ANKRD36: variants seen among roughly 807,000 people sequenced by gnomAD.
ANKRD36 encodes the protein ankyrin repeat domain-containing protein 36A.
ANKRD36 carries 179 observed loss-of-function variants against 278.1 expected under a neutral mutation model. The ratio of observed to expected loss-of-function variants is 0.64; its 90% CI spans 0.57 to 0.73. The LOEUF (loss-of-function observed/expected upper bound fraction) is 0.73. ANKRD36 is among the 30% of genes least tolerant of loss of function. ANKRD36 has a pLI of 0.00. For synonymous variants in ANKRD36, 320 were observed against 641.1 expected (o/e 0.50, Z 7.57); for missense variants, 1,159 against 1,956.7 (o/e 0.59, Z 7.69).
chr2:97,179,638 G>A (rs549545553), intron 22 of ANKRD36, 100 bp from the exon 23 acceptor site: 20 of 1,480,500 alleles, frequency 1.4e-5, no homozygotes, highest in East Asian at 9.6e-5. Context: ...ATACAGGCAG[G>A]AGTACAAAAC....
At chr2:97,170,115 A>G (rs1204190897) in intron 22 of ANKRD36, among the ~76,000 whole-genome samples, 4 of 152,020 alleles carry the variant, frequency 2.6e-5, no homozygotes, top group Non-Finnish European at 5.9e-5. Context: ...CTCAGAAGCA[A>G]CACCATACAT....
At position 97,139,865 on chromosome 2, in the gene ANKRD36, C is replaced by T. The variant is rs182638570; in HGVS notation, c.800-2775C>T. 8.7e-3 allele frequency among the ~76,000 whole-genome samples: 1,319 copies of T among 152,084 alleles called. 56 individuals are homozygous for T. The East Asian group carries it at 0.11, about 12-fold the overall frequency. On this transcript the variant is annotated intron_variant, in intron 6 of 75. Transcript: ENST00000420699. ...GTGTTACTTGTCCTCTTGGCTCCCC[C>T]TCATGAATGTTAAACTCTAATCTAC...
intron 6 of ANKRD36, among the ~76,000 whole-genome samples, chr2:97,129,388 T>C (rs2039475446): frequency 6.6e-6 from 1 of 152,052 alleles, no homozygotes; most frequent in Admixed American, 6.6e-5. Context: ...GTCAGATGAG[T>C]AGGTTGCAAA....
In ANKRD36 at chr2:97,149,364, A is replaced by C. The variant is rs758339378; in HGVS notation, c.1101+3A>C. On this transcript the variant is annotated splice_donor_region_variant and intron_variant, in intron 12 of 75. Transcript: ENST00000420699. Reference sequence around the variant, plus strand: ...ATGAGTTTTCTTTGGAATCTGAGGTAGAGTACTCTCTTGTGAAATTAATTT... The same window carrying C: ...ATGAGTTTTCTTTGGAATCTGAGGTCGAGTACTCTCTTGTGAAATTAATTT... 6.5e-7 allele frequency: 1 copy of C among 1,527,974 alleles called. No individual in the cohort carries two copies. The highest frequency in any genetic ancestry group is 1.2e-5 in the South Asian group (1 of 82,706). The allele number at this position is 1,527,974 out of a possible 1,614,324, so 94.7% of individuals were successfully genotyped here.
intron 54 of ANKRD36, among the ~76,000 whole-genome samples, chr2:97,208,690 T>C (rs1473791805): frequency 6.8e-6 from 1 of 146,452 alleles, no homozygotes; most frequent in African/African-American, 2.7e-5. Context: ...CAGAGATACA[T>C]GTTTTGTTGA....
At chr2:97,229,490 G>A (rs1335723190) in intron 67 of ANKRD36, among the ~76,000 whole-genome samples, 2 of 151,990 alleles carry the variant, frequency 1.3e-5, no homozygotes, top group African/African-American at 4.8e-5. Context: ...CATTTGCTTG[G>A]TAGATCTTCC....
chr2:97,133,207 T>C (rs1214834704), intron 6 of ANKRD36, among the ~76,000 whole-genome samples: 3 of 151,950 alleles, frequency 2.0e-5, no homozygotes, highest in African/African-American at 7.2e-5. Flanking sequence ...CCAACTTAAT[T>C]TTAGGTGTCT....
chr2:97,231,740 A>G (rs1025827097), intron 67 of ANKRD36, among the ~76,000 whole-genome samples: 4 of 152,102 alleles, frequency 2.6e-5, no homozygotes, highest in Non-Finnish European at 4.4e-5. Flanking sequence ...TCACGCTGGG[A>G]GCTGTAGACT....
intron 32 of ANKRD36, 113 bp from the exon 33 acceptor site, chr2:97,188,974 A>G (rs2058008423): frequency 1.8e-6 from 1 of 546,772 alleles, no homozygotes; most frequent in South Asian, 1.5e-5. Context: ...AAGACATCAG[A>G]GCCTACACTA....
At chr2:97,176,788 G>A (rs926375532) in intron 22 of ANKRD36, among the ~76,000 whole-genome samples, 2 of 151,700 alleles carry the variant, frequency 1.3e-5, no homozygotes, top group Middle Eastern at 3.4e-3. Flanking sequence ...GATTTTTAGC[G>A]CTTCCTTCAG....
At chr2:97,124,736 T>A in intron 5 of ANKRD36, 139 bp downstream of exon 5, 1 of 1,034,038 alleles carries the variant, frequency 9.7e-7, no homozygotes, top group Non-Finnish European at 1.4e-6. Context: ...AGTTTTTAAG[T>A]TTTCGAGAGT....
In ANKRD36 at chr2:97,200,334, T is replaced by G. The variant is rs747570096; in HGVS notation, c.2756T>G (p.Val919Gly). Residue 919 changes from valine (V) to glycine (G), a missense_variant and splice_region_variant, in exon 45 of 76, where the codon GTG (valine) becomes GGG (glycine). Coordinates refer to ENST00000420699, the MANE Select transcript of ANKRD36 (RefSeq NM_001354587.1). ...ATTATGTATCCCTTTTGCTTTTCAG[T>G]GTCTTCTCGGAAAAAACCATCCTTG... Reference protein sequence around the residue: ...GKKDGEKTKRVSSRKKPSLEA... With the variant: ...GKKDGEKTKRGSSRKKPSLEA... 6.2e-7 allele frequency: 1 copy of G among 1,607,252 alleles called. No homozygotes were observed. The highest frequency in any genetic ancestry group is 1.1e-5 in the South Asian group (1 of 90,798).
intron 18 of ANKRD36, chr2:97,163,480 G>A: frequency 3.2e-6 from 1 of 311,806 alleles, no homozygotes. Context: ...TCATGACTGT[G>A]GATGACATGA....
chr2:97,125,036 A>T (rs1401081299), intron 5 of ANKRD36, among the ~76,000 whole-genome samples: 2 of 151,842 alleles, frequency 1.3e-5, no homozygotes, highest in Non-Finnish European at 1.5e-5. Context: ...ATTTTTCAAG[A>T]ACCTAAGGGG....
At chr2:97,204,948 C>G (rs566598572) in intron 50 of ANKRD36, among the ~76,000 whole-genome samples, 1 of 151,346 alleles carries the variant, frequency 6.6e-6, no homozygotes, top group Non-Finnish European at 1.5e-5. Flanking sequence ...CAGAGATACA[C>G]GTGTTGTTGA....
rs1357776929 is a variant in ANKRD36 at position 97,200,618 on chromosome 2, CG to C, written c.2857+94del. Reference sequence around the variant, plus strand: ...CAGTCGGGGGCTGGTTGAAGCTGCACGTTCTGATTCACCAAGCTTGAGATTC... The same window carrying C: ...CAGTCGGGGGCTGGTTGAAGCTGCACTTCTGATTCACCAAGCTTGAGATTC... On this transcript the variant is annotated intron_variant, in intron 46 of 75. Coordinates refer to ENST00000420699, the MANE Select transcript of ANKRD36 (RefSeq NM_001354587.1). 7 of 1,508,588 alleles carry C rather than the reference CG, an allele frequency of 4.6e-6. No individual in the cohort carries two copies. The African/African-American group carries it at 8.4e-5, about 18-fold the overall frequency. 93.5% of individuals were successfully genotyped at this position (1,508,588 alleles called of 1,614,324 possible). A position where few individuals can be genotyped will look rare whatever the true frequency, so the allele number is the denominator to read the frequency against.
At chr2:97,212,503 G>A (rs1220849621) in intron 58 of ANKRD36, among the ~76,000 whole-genome samples, 1 of 151,890 alleles carries the variant, frequency 6.6e-6, no homozygotes, top group African/African-American at 2.4e-5. Flanking sequence ...AGTTCAAGGA[G>A]CTAAGTCTTG....
chr2:97,178,234 T>G (rs2054928900), intron 22 of ANKRD36, among the ~76,000 whole-genome samples: 1 of 151,858 alleles, frequency 6.6e-6, no homozygotes, highest in Non-Finnish European at 1.5e-5. Context: ...TTGGTGGGAC[T>G]GTAAACTAGT....
intron 66 of ANKRD36, among the ~76,000 whole-genome samples, 199 bp from the exon 67 acceptor site, chr2:97,224,607 G>A (rs1289110137): frequency 2.0e-5 from 3 of 151,992 alleles, no homozygotes; most frequent in Admixed American, 1.3e-4. Context: ...CCGCCACCAC[G>A]CCCAGCTAAT....
Sources: allele counts gnomAD v4.1 joint callset (sites outside exome capture counted in the v4.1 genomes callset), GRCh38; gene constraint gnomAD v4.1.1; transcripts MANE v1.5; gene names NCBI Gene and HGNC (gene_info 2026-07-23, HGNC 2026-07-21).